The following OTUD7B variants were observed in gnomAD, a reference collection of about 807,000 sequenced individuals.
OTUD7B encodes the protein OTU deubiquitinase 7B.
In OTUD7B, 34 loss-of-function variants were observed where a neutral mutation model predicts 82.2. The ratio of observed to expected loss-of-function variants is 0.41; its 90% CI spans 0.31 to 0.55. OTUD7B has a LOEUF of 0.55. Among genes scored for constraint, OTUD7B ranks in the 20% least tolerant of loss-of-function variants. The pLI, the probability that OTUD7B is intolerant of heterozygous loss-of-function variation, is 0.20. For missense variants in OTUD7B, 944 were observed against 1,062.1 expected (o/e 0.89, Z 1.55); for synonymous variants, 398 against 402.7 (o/e 0.99, Z 0.14).
In OTUD7B at chr1:150,006,318, G is replaced by A. The variant is rs905383023; in HGVS notation, c.-67+4130C>T. Among the ~76,000 whole-genome samples, 18 of 152,204 alleles carry A rather than the reference G, an allele frequency of 1.2e-4. No individual in the cohort carries two copies. The South Asian group carries it at 1.2e-3, about 11-fold the overall frequency. Reference sequence around the variant, plus strand: ...TAAAAATACAAAAAATTAACCGGGCGTGGTGGTGGGCGCCTGTAGTCCCAG... The same window carrying A: ...TAAAAATACAAAAAATTAACCGGGCATGGTGGTGGGCGCCTGTAGTCCCAG... On this transcript the variant is annotated intron_variant, in intron 1 of 11. Transcript: ENST00000581312.
intron 1 of OTUD7B, among the ~76,000 whole-genome samples, chr1:149,989,199 G>A (rs782784681): frequency 5.3e-5 from 8 of 152,172 alleles, no homozygotes; most frequent in Middle Eastern, 3.4e-3. Context: ...CAGGCCGGGC[G>A]TGGTGGCTCA....
At chr1:150,063,357 A>G in the OTUD7B span, among the ~76,000 whole-genome samples, 3 of 152,192 alleles carry the variant, frequency 2.0e-5, no homozygotes, top group Admixed American at 1.3e-4. Flanking sequence ...AGGCTGAGGC[A>G]TGATAATCAC....
At chr1:150,025,608 T>C in the OTUD7B span, among the ~76,000 whole-genome samples, 20 of 152,148 alleles carry the variant, frequency 1.3e-4, no homozygotes, top group Admixed American at 1.3e-3. Context: ...CAGAGGGGAA[T>C]ATCAACTTCA....
chr1:150,055,841 A>C, the OTUD7B span, among the ~76,000 whole-genome samples: 3,337 of 152,288 alleles, frequency 0.022, 113 homozygotes, highest in African/African-American at 0.074. Flanking sequence ...GATGAGAACT[A>C]ATGAACACAA....
At chr1:149,951,812 T>C (rs1452861048) in intron 7 of OTUD7B, among the ~76,000 whole-genome samples, 4 of 152,152 alleles carry the variant, frequency 2.6e-5, no homozygotes, top group African/African-American at 9.7e-5. Flanking sequence ...ATTTTAAACA[T>C]ATTCAATACT....
At chr1:150,046,696 G>A in the OTUD7B span, among the ~76,000 whole-genome samples, 6 of 146,266 alleles carry the variant, frequency 4.1e-5, no homozygotes, top group East Asian at 4.2e-4. Context: ...TGATCCACCC[G>A]CCTCGTCCTC....
At chr1:149,962,373 T>C (rs1348667751) in intron 6 of OTUD7B, 1 of 152,218 alleles carries the variant, frequency 6.6e-6, no homozygotes, top group African/African-American at 2.4e-5. Context: ...CCCCAGTTCA[T>C]TATCCTCCTC....
At position 149,944,966 on chromosome 1, in the gene OTUD7B, T is replaced by A. The variant is rs1647595441; in HGVS notation, c.1423A>T (p.Ser475Cys). 2.5e-6 allele frequency: 4 copies of A among 1,614,088 alleles called. No individual in the cohort carries two copies. The highest frequency in any genetic ancestry group is 2.5e-6 in the Non-Finnish European group (3 of 1,180,046). Reference protein sequence around the residue: ...GDSDKESVGSSSTSNEGGRRK... With the variant: ...GDSDKESVGSCSTSNEGGRRK... ...CGGCCGCCCTCGTTGCTGGTGGAACTGCTGCCAACTGACTCCTTGTCTGAG... is the reference window on the plus strand; with the variant it reads ...CGGCCGCCCTCGTTGCTGGTGGAACAGCTGCCAACTGACTCCTTGTCTGAG... Residue 475 changes from serine to cysteine, a missense_variant, in exon 12 of 12, where the codon AGT becomes TGT. Ser to Cys is a moderately radical substitution (Grantham distance 112, BLOSUM62 -1). Around this residue, in one of 3 missense-constraint regions of OTUD7B, gnomAD observed 530 missense variants for 625.6 expected, o/e 0.85. Transcript: ENST00000581312.
chr1:150,024,115 T>A, the OTUD7B span, among the ~76,000 whole-genome samples: 1 of 152,202 alleles, frequency 6.6e-6, no homozygotes. Context: ...ACAAAAACAA[T>A]TTCTGAGCAC....
intron 6 of OTUD7B, chr1:149,961,201 G>A (rs1240380704): frequency 1.3e-5 from 2 of 152,154 alleles, no homozygotes; most frequent in African/African-American, 4.8e-5. Context: ...TCTGCCTGGA[G>A]TAGCTCACTT....
chr1:150,047,478 A>G, the OTUD7B span, among the ~76,000 whole-genome samples: 2 of 152,154 alleles, frequency 1.3e-5, no homozygotes, highest in African/African-American at 4.8e-5. Context: ...CTAGATTGTA[A>G]GAGAGATTAG....
At chr1:150,005,913 G>A (rs1652631776) in intron 1 of OTUD7B, among the ~76,000 whole-genome samples, 1 of 152,114 alleles carries the variant, frequency 6.6e-6, no homozygotes, top group Non-Finnish European at 1.5e-5. Flanking sequence ...CAGCCTAGGA[G>A]GCCACATTGG....
the OTUD7B span, among the ~76,000 whole-genome samples, chr1:150,055,796 T>C: frequency 6.6e-6 from 1 of 152,154 alleles, no homozygotes; most frequent in Non-Finnish European, 1.5e-5. Context: ...GAAAGCCAAA[T>C]ACTGCATGTT....
the OTUD7B span, among the ~76,000 whole-genome samples, chr1:150,065,191 C>T: frequency 1.3e-5 from 2 of 152,012 alleles, no homozygotes; most frequent in Non-Finnish European, 2.9e-5. Context: ...CCCATCTCAG[C>T]CTCCCAAGTA....
At chr1:150,016,917 G>A in the OTUD7B span, among the ~76,000 whole-genome samples, 3 of 152,260 alleles carry the variant, frequency 2.0e-5, no homozygotes, top group African/African-American at 7.2e-5. Flanking sequence ...CCACCCAACT[G>A]TCTCCCCTGT....
At position 149,937,992 on chromosome 1, in the gene OTUD7B, T is replaced by G. The variant is rs956781070; in HGVS notation, c.*5865A>C. On this transcript the variant is annotated 3_prime_UTR_variant, in exon 12 of 12. Coordinates refer to ENST00000581312, the MANE Select transcript of OTUD7B (RefSeq NM_020205.4). ...AACTGTGGAAATAGTGAAGATATTG[T>G]GAGACAGAAAGTCAGTCTGGAACAA... The G allele has an allele frequency of 6.6e-6, 1 of 152,142 alleles. No individual in the cohort carries two copies. The highest frequency in any genetic ancestry group is 1.9e-4 in the East Asian group (1 of 5,174). The allele number at this position is 152,142 out of a possible 1,614,324, so 9.4% of individuals were successfully genotyped here.
intron 2 of OTUD7B, among the ~76,000 whole-genome samples, chr1:149,974,278 C>T (rs1650138683): frequency 6.6e-6 from 1 of 152,086 alleles, no homozygotes; most frequent in Non-Finnish European, 1.5e-5. Flanking sequence ...CCACCTCCTT[C>T]TATCTATTGC....
chr1:149,950,214 T>C lies in OTUD7B; in HGVS notation c.853A>G (p.Ser285Gly). The C allele has an allele frequency of 6.2e-7, 1 of 1,613,518 alleles. No homozygotes were observed. Among genetic ancestry groups the C allele is most frequent in the South Asian group, 1.1e-5 (1 of 91,034 alleles). The part of the protein sequence containing the change: ...TNGANCGGVE[S>G]SEEPVYESLE... Reference sequence around the variant, plus strand: ...CTCTCATATACAGGCTCCTCAGAACTCTCCACCCTGGAACGACGGGAAGGG... The same window carrying C: ...CTCTCATATACAGGCTCCTCAGAACCCTCCACCCTGGAACGACGGGAAGGG... The change falls in exon 8 of 12, where the codon AGT becomes GGT. Residue 285 changes from serine to glycine, a missense_variant. By Grantham distance (56) the Ser-to-Gly change is moderately conservative. Transcript: ENST00000581312.
rs376555406 is a variant in OTUD7B at position 149,947,289 on chromosome 1, T to C, written c.1285A>G (p.Met429Val). 5.1e-5 allele frequency: 82 copies of C among 1,611,422 alleles called. No individual in the cohort carries two copies. The highest frequency in any genetic ancestry group is 6.7e-5 in the Non-Finnish European group (79 of 1,177,780). ...EVKLHLLHSY[M>V]NVKWIPLSSD... is the part of the protein sequence containing the mutation. ...GACAGTGGGATCCACTTCACATTCA[T>C]GTAGCTATGCAGCAGATGCAATTTG... is the stretch of plus-strand genomic sequence containing the variant. The change falls in exon 11 of 12, where the codon ATG (methionine) becomes GTG (valine). Residue 429 changes from methionine (M) to valine (V), a missense_variant. By Grantham distance (21) the Met-to-Val change is conservative (BLOSUM62 1). Around this residue, in one of 3 missense-constraint regions of OTUD7B, gnomAD observed 530 missense variants for 625.6 expected, o/e 0.85. Coordinates refer to ENST00000581312, the MANE Select transcript of OTUD7B (RefSeq NM_020205.4).
Sources: allele counts gnomAD v4.1 joint callset (sites outside exome capture counted in the v4.1 genomes callset), GRCh38; gene constraint gnomAD v4.1.1; regional missense constraint gnomAD v4.1.1; transcripts MANE v1.5; gene names NCBI Gene and HGNC (gene_info 2026-07-23, HGNC 2026-07-21).